The following MSI2 variants were observed in gnomAD, a reference collection of about 807,000 sequenced individuals.
MSI2 encodes the protein musashi RNA binding protein 2.
A neutral mutation model predicts 45.6 loss-of-function variants in MSI2; 17 were observed. The ratio of observed to expected loss-of-function variants is 0.37; its 90% CI spans 0.26 to 0.56. The LOEUF (loss-of-function observed/expected upper bound fraction) is 0.56, where lower values mean the gene tolerates loss of function less well. Ranked by LOEUF, MSI2 falls within the 20% of genes least tolerant of loss-of-function variation. The pLI, the probability that MSI2 is intolerant of heterozygous loss-of-function variation, is 0.77. For synonymous variants in MSI2, 156 were observed against 158.2 expected (o/e 0.99, Z 0.11); for missense variants, 293 against 444.2 (o/e 0.66, Z 3.06).
intron 5 of MSI2, among the ~76,000 whole-genome samples, chr17:57,297,188 GTT>G (rs61324365): frequency 2.9e-3 from 338 of 115,192 alleles, no homozygotes; most frequent in African/African-American, 8.2e-3. Context: ...GTTTTTTTTT[GTT>G]TTTTTTTTTT....
chr17:57,420,451 C>T (rs900651648), intron 6 of MSI2, among the ~76,000 whole-genome samples: 1 of 152,304 alleles, frequency 6.6e-6, no homozygotes, highest in Middle Eastern at 3.4e-3. Flanking sequence ...GCCTGTTTGG[C>T]TTTTAATGAT....
intron 5 of MSI2, chr17:57,278,096 G>A (rs1368286819): frequency 6.6e-6 from 1 of 152,438 alleles, no homozygotes; most frequent in Non-Finnish European, 1.5e-5. Context: ...TACTCAGGAG[G>A]TTGAAGTGGG....
At chr17:57,614,084 T>C (rs1280742289) in intron 8 of MSI2, among the ~76,000 whole-genome samples, 1 of 152,212 alleles carries the variant, frequency 6.6e-6, no homozygotes, top group Non-Finnish European at 1.5e-5. Context: ...AGAGTCTCGC[T>C]CTGTCGCCCA....
intron 7 of MSI2, among the ~76,000 whole-genome samples, chr17:57,576,738 G>C (rs1211278791): frequency 7.2e-6 from 1 of 139,238 alleles, no homozygotes; most frequent in African/African-American, 2.8e-5. Context: ...GGGTGACAGA[G>C]CGAGAATCTG....
At chr17:57,472,275 G>A (rs1380954075) in intron 6 of MSI2, among the ~76,000 whole-genome samples, 1 of 152,206 alleles carries the variant, frequency 6.6e-6, no homozygotes, top group East Asian at 1.9e-4. Flanking sequence ...TGCCTGGCAG[G>A]CACACCTATG....
intron 6 of MSI2, among the ~76,000 whole-genome samples, chr17:57,508,168 C>T (rs1052456467): frequency 6.6e-6 from 1 of 152,204 alleles, no homozygotes; most frequent in Non-Finnish European, 1.5e-5. Flanking sequence ...CTGAGTGCTT[C>T]GTCACCCATT....
intron 5 of MSI2, among the ~76,000 whole-genome samples, chr17:57,269,390 G>A (rs767892580): frequency 4.6e-5 from 7 of 152,174 alleles, no homozygotes; most frequent in Non-Finnish European, 8.8e-5. Context: ...TAGAAGCTGG[G>A]GTCACTGATA....
intron 6 of MSI2, chr17:57,449,125 C>A (rs561632342): frequency 2.6e-5 from 4 of 152,444 alleles, no homozygotes; most frequent in East Asian, 3.9e-4. Context: ...CACCCACTCA[C>A]CCTTGGATCC....
chr17:57,677,519 C>G (rs984181665), intron 13 of MSI2, among the ~76,000 whole-genome samples: 18 of 152,200 alleles, frequency 1.2e-4, no homozygotes, highest in Admixed American at 7.2e-4. Context: ...CTGTGGGTTG[C>G]TGGGCCCCTT....
At chr17:57,675,593 A>G (rs1017271857) in intron 12 of MSI2, among the ~76,000 whole-genome samples, 1 of 152,168 alleles carries the variant, frequency 6.6e-6, no homozygotes, top group South Asian at 2.1e-4. Context: ...GAGCTGGGAA[A>G]TGTCCCAGCT....
intron 6 of MSI2, among the ~76,000 whole-genome samples, chr17:57,417,330 T>C (rs943062227): frequency 1.1e-4 from 17 of 152,176 alleles, no homozygotes; most frequent in African/African-American, 4.1e-4. Flanking sequence ...GTCCTGCCCC[T>C]GCCCATTTTG....
Position 57,257,107 on chromosome 17 carries a change from T to C in MSI2, c.72T>C (p.Phe24=). ...TGTTTTCTCCCTCTAGTAAAATGTT[T>C]ATCGGTGGACTGAGCTGGCAGACCT... ...NDSQHDPGKM[F]IGGLSWQTSP... Residue 24 remains phenylalanine, a synonymous_variant, in exon 2 of 14, where the codon TTT becomes TTC. Transcript: ENST00000284073. 1 of 1,595,738 alleles carries C rather than the reference T, an allele frequency of 6.3e-7. No homozygotes were observed. Among genetic ancestry groups the C allele is most frequent in the South Asian group, 1.1e-5 (1 of 90,362 alleles).
intron 5 of MSI2, 109 bp from the exon 6 acceptor site, chr17:57,401,269 TA>T: frequency 1.1e-6 from 1 of 875,268 alleles, no homozygotes; most frequent in Non-Finnish European, 1.9e-6. Flanking sequence ...TGAATATATC[TA>T]AAATTGCCTT....
At chr17:57,458,390 G>A (rs190814566) in intron 6 of MSI2, among the ~76,000 whole-genome samples, 3 of 152,234 alleles carry the variant, frequency 2.0e-5, no homozygotes, top group Non-Finnish European at 2.9e-5. Context: ...GTGAGCCACC[G>A]TGCCCGGCCA....
intron 11 of MSI2, among the ~76,000 whole-genome samples, chr17:57,665,198 GT>G: frequency 6.6e-6 from 1 of 152,278 alleles, no homozygotes; most frequent in South Asian, 2.1e-4. Flanking sequence ...GGACCAAGGG[GT>G]TTTTGTCCTC....
At chr17:57,584,665 T>C (rs1330406669) in intron 7 of MSI2, among the ~76,000 whole-genome samples, 2 of 152,144 alleles carry the variant, frequency 1.3e-5, no homozygotes, top group African/African-American at 4.8e-5. Context: ...TGAGAACTTG[T>C]TGGAGAAAGG....
chr17:57,365,168 A>T (rs575009185), intron 5 of MSI2: 1 of 152,336 alleles, frequency 6.6e-6, no homozygotes, highest in South Asian at 2.1e-4. Context: ...ATTTGAAAGG[A>T]AACCTGAAGA....
chr17:57,674,828 C>G, intron 11 of MSI2, 144 bp from the exon 12 acceptor site: 1 of 1,254,508 alleles, frequency 8.0e-7, no homozygotes, highest in Non-Finnish European at 1.1e-6. Context: ...GAAGTTGGGC[C>G]TCAGCTGTTT....
chr17:57,538,683 G>A (rs2144112367), intron 7 of MSI2, among the ~76,000 whole-genome samples: 1 of 152,224 alleles, frequency 6.6e-6, no homozygotes, highest in African/African-American at 2.4e-5. Context: ...TTGAGTTTTG[G>A]GGACCCTAGT....
Sources: gnomAD v4.1 joint callset for allele counts (sites outside exome capture counted in the v4.1 genomes callset) on GRCh38, gnomAD v4.1.1 for gene constraint, MANE v1.5 for transcripts, NCBI Gene and HGNC (gene_info 2026-07-23, HGNC 2026-07-21) for gene names.